RSPH14: variants seen among roughly 807,000 people sequenced by gnomAD.
RSPH14 encodes radial spoke head 14 homolog.
A neutral mutation model predicts 26.7 loss-of-function variants in RSPH14; 20 were observed. The observed-to-expected ratio is 0.75, with a 90% confidence interval of 0.53 to 1.09. The LOEUF (loss-of-function observed/expected upper bound fraction) is 1.09. Among genes scored for constraint, RSPH14 ranks in the 50% least tolerant of loss-of-function variants. The probability of loss-of-function intolerance (pLI) is 0.00; values close to 1 mark genes in which losing one functional copy is unlikely to be tolerated. For missense variants in RSPH14, 449 were observed against 457.2 expected (o/e 0.98, Z 0.16); for synonymous variants, 177 against 189.3 (o/e 0.93, Z 0.53).
intron 4 of RSPH14, among the ~76,000 whole-genome samples, chr22:23,087,016 A>G (rs1381377398): frequency 1.3e-5 from 2 of 152,356 alleles, no homozygotes; most frequent in Non-Finnish European, 2.9e-5. Flanking sequence ...GTAAAAGGGC[A>G]GTGGAAAGTG....
intron 4 of RSPH14, among the ~76,000 whole-genome samples, chr22:23,079,281 G>A (rs1378474985): frequency 6.6e-6 from 1 of 152,250 alleles, no homozygotes; most frequent in Non-Finnish European, 1.5e-5. Flanking sequence ...GATGGGCAGG[G>A]AGGCCTCCTA....
At chr22:23,151,040 T>C in the RSPH14 span, among the ~76,000 whole-genome samples, 2 of 152,242 alleles carry the variant, frequency 1.3e-5, no homozygotes, top group African/African-American at 4.8e-5. Context: ...GGGCCTGCTT[T>C]TGCCCCTCTT....
chr22:23,077,930 G>A (rs989895131), intron 4 of RSPH14, among the ~76,000 whole-genome samples: 5 of 152,178 alleles, frequency 3.3e-5, no homozygotes, highest in Admixed American at 2.6e-4. Flanking sequence ...CAGGCCAGGG[G>A]AGGAGCAACT....
chr22:23,062,185 G>A (rs2068111252), intron 5 of RSPH14, among the ~76,000 whole-genome samples: 1 of 152,204 alleles, frequency 6.6e-6, no homozygotes, highest in Non-Finnish European at 1.5e-5. Context: ...CTCACTCTGA[G>A]CCAGCACACA....
At chr22:23,170,420 G>T in the RSPH14 span, among the ~76,000 whole-genome samples, 2 of 152,310 alleles carry the variant, frequency 1.3e-5, no homozygotes, top group South Asian at 2.1e-4. Flanking sequence ...ATAGCAAAAA[G>T]AATTTGAGAG....
chr22:23,095,509 G>A (rs745867462), intron 4 of RSPH14: 7 of 641,288 alleles, frequency 1.1e-5, no homozygotes, highest in Non-Finnish European at 1.3e-5. Flanking sequence ...GCTGCACAGA[G>A]CGCCATGCCG....
upstream of RSPH14, among the ~76,000 whole-genome samples, chr22:23,143,129 A>G (rs185559581): frequency 8.1e-3 from 1,235 of 152,116 alleles, 55 homozygotes; most frequent in Non-Finnish European, 3.8e-3. Context: ...TAGTGGCCTC[A>G]GAAAGGGCTA....
intron 6 of RSPH14, among the ~76,000 whole-genome samples, chr22:23,060,657 C>T (rs2068075712): frequency 6.6e-6 from 1 of 152,108 alleles, no homozygotes; most frequent in South Asian, 2.1e-4. Context: ...GCTGGTGGAA[C>T]CTCTCAGCCT....
chr22:23,118,843 C>T (rs1422165375), intron 4 of RSPH14, among the ~76,000 whole-genome samples: 1 of 152,216 alleles, frequency 6.6e-6, no homozygotes, highest in Non-Finnish European at 1.5e-5. Flanking sequence ...CCTGCCAGGC[C>T]AGGGAGGGCA....
chr22:23,073,734 T>G (rs1263760956), intron 4 of RSPH14, among the ~76,000 whole-genome samples: 1 of 152,140 alleles, frequency 6.6e-6, no homozygotes. Context: ...CCTCACGCGA[T>G]TCATCCATTC....
At chr22:23,155,672 T>C in the RSPH14 span, among the ~76,000 whole-genome samples, 1 of 152,212 alleles carries the variant, frequency 6.6e-6, no homozygotes, top group Non-Finnish European at 1.5e-5. Context: ...TGTTCCATTT[T>C]AATGTCTCAG....
chr22:23,119,889 G>A (rs990826641), intron 4 of RSPH14, among the ~76,000 whole-genome samples: 3 of 152,170 alleles, frequency 2.0e-5, no homozygotes, highest in Non-Finnish European at 4.4e-5. Flanking sequence ...TCATCTCCTC[G>A]GTGCCCACTA....
At chr22:23,084,906 C>G (rs577810573) in intron 4 of RSPH14, among the ~76,000 whole-genome samples, 1 of 152,334 alleles carries the variant, frequency 6.6e-6, no homozygotes, top group East Asian at 1.9e-4. Context: ...CATCGCATGT[C>G]CAGGTGACAT....
At chr22:23,162,877 C>T in the RSPH14 span, 4 of 377,474 alleles carry the variant, frequency 1.1e-5, no homozygotes, top group Non-Finnish European at 2.1e-5. Context: ...ATTCATTCCC[C>T]CTTCAACATA....
intron 4 of RSPH14, among the ~76,000 whole-genome samples, chr22:23,084,899 C>T (rs1197033150): frequency 2.0e-5 from 3 of 152,228 alleles, no homozygotes; most frequent in Non-Finnish European, 4.4e-5. Flanking sequence ...ACCCTACCAT[C>T]GCATGTCCAG....
chr22:23,059,426 A>AG lies in RSPH14; in HGVS notation c.*35dup. On this transcript the variant is annotated 3_prime_UTR_variant, in exon 7 of 7. Transcript: ENST00000216036. ...ATTCGGACCCGAGATAAAGAGACTT[A>AG]GCACATTTATTCACTCACAGAGGTG... is the stretch of plus-strand genomic sequence containing the variant. 6.5e-7 allele frequency: 1 copy of AG among 1,548,660 alleles called. No homozygotes were observed. Among genetic ancestry groups the AG allele is most frequent in the East Asian group, 2.3e-5 (1 of 43,872 alleles).
At chr22:23,114,219 C>G (rs368135259) in intron 4 of RSPH14, among the ~76,000 whole-genome samples, 3 of 152,334 alleles carry the variant, frequency 2.0e-5, no homozygotes, top group African/African-American at 7.2e-5. Context: ...TTCATGTCTA[C>G]AACCCCGCCC....
chr22:23,153,239 A>G, the RSPH14 span: 1 of 847,534 alleles, frequency 1.2e-6, no homozygotes, highest in Admixed American at 2.0e-5. Context: ...GGACTAGTCT[A>G]GACAAGCAGA....
At chr22:23,090,741 G>A (rs955946554) in intron 4 of RSPH14, among the ~76,000 whole-genome samples, 4 of 151,992 alleles carry the variant, frequency 2.6e-5, no homozygotes, top group Non-Finnish European at 5.9e-5. Flanking sequence ...CTTGCAGCCC[G>A]CATGTGCCAC....
Sources: gnomAD v4.1 joint callset for allele counts (sites outside exome capture counted in the v4.1 genomes callset) on GRCh38, gnomAD v4.1.1 for gene constraint, MANE v1.5 for transcripts, NCBI Gene and HGNC (gene_info 2026-07-23, HGNC 2026-07-21) for gene names.